The following SCAPER variants were observed in gnomAD, a reference collection of about 807,000 sequenced individuals.
The protein encoded by SCAPER is S phase cyclin A-associated protein in the endoplasmic reticulum.
SCAPER carries 98 observed loss-of-function variants against 182.2 expected under a neutral mutation model. The observed-to-expected ratio is 0.54, with a 90% CI of 0.46 to 0.64. The LOEUF is 0.64. Among genes scored for constraint, SCAPER ranks in the 30% least tolerant of loss-of-function variants. The pLI is 0.00. For synonymous variants in SCAPER, 605 were observed against 564.6 expected (o/e 1.07, Z -1.01); for missense variants, 1,432 against 1,690.0 (o/e 0.85, Z 2.68).
Position 76,539,251 on chromosome 15 carries a change from CA to C in SCAPER, c.2839-34278del, listed in dbSNP as rs912578806. On this transcript the variant is annotated intron_variant, in intron 23 of 31. Coordinates refer to ENST00000563290, the MANE Select transcript of SCAPER (RefSeq NM_020843.4). ...TTATTTTATGTGCTTGCTTCACTTA[CA>C]AAAACCTCAAAGTGGAATTTGTAGA... Among the ~76,000 whole-genome samples, 230 of 152,182 alleles carry C rather than the reference CA, an allele frequency of 1.5e-3. 2 individuals are homozygous for C. The highest frequency in any genetic ancestry group is 5.0e-3 in the African/African-American group (209 of 41,518).
intron 21 of SCAPER, among the ~76,000 whole-genome samples, chr15:76,646,795 A>G (rs1285685934): frequency 2.0e-5 from 3 of 152,214 alleles, no homozygotes; most frequent in Admixed American, 6.5e-5. Flanking sequence ...ATTTTAGAAC[A>G]CATATCCAGT....
intron 29 of SCAPER, among the ~76,000 whole-genome samples, chr15:76,372,377 C>T (rs2042242329): frequency 6.6e-6 from 1 of 152,188 alleles, no homozygotes; most frequent in Non-Finnish European, 1.5e-5. Flanking sequence ...CATTCCCAGT[C>T]ATCACTTTCC....
At chr15:76,409,120 C>CTA (rs2045086393) in intron 26 of SCAPER, among the ~76,000 whole-genome samples, 1 of 152,040 alleles carries the variant, frequency 6.6e-6, no homozygotes, top group African/African-American at 2.4e-5. Flanking sequence ...AAATGACTGG[C>CTA]TAAGAAGATG....
intron 5 of SCAPER, among the ~76,000 whole-genome samples, chr15:76,816,246 T>C (rs949454198): frequency 6.6e-6 from 1 of 152,278 alleles, no homozygotes; most frequent in Non-Finnish European, 1.5e-5. Flanking sequence ...AACCTTTTAG[T>C]ATTTTTTAAA....
intron 20 of SCAPER, among the ~76,000 whole-genome samples, chr15:76,668,018 C>T (rs1200276677): frequency 6.6e-6 from 1 of 152,062 alleles, no homozygotes; most frequent in Non-Finnish European, 1.5e-5. Flanking sequence ...AACATTTCCA[C>T]AATCAGCATT....
intron 22 of SCAPER, among the ~76,000 whole-genome samples, chr15:76,618,982 T>C (rs2051759006): frequency 1.3e-5 from 2 of 152,114 alleles, no homozygotes; most frequent in African/African-American, 2.4e-5. Flanking sequence ...GTAGCTGGGA[T>C]TACAGGTGCA....
intron 23 of SCAPER, among the ~76,000 whole-genome samples, chr15:76,529,731 G>A (rs1414821576): frequency 6.6e-6 from 1 of 152,262 alleles, no homozygotes; most frequent in Non-Finnish European, 1.5e-5. Flanking sequence ...CATATCCGAA[G>A]AATGGCAAGG....
At chr15:76,464,214 CTA>C (rs2049416316) in intron 25 of SCAPER, among the ~76,000 whole-genome samples, 1 of 151,980 alleles carries the variant, frequency 6.6e-6, no homozygotes. Flanking sequence ...TACTTTGTTT[CTA>C]TGAGGCTGAT....
At chr15:76,493,121 A>C (rs897991330) in intron 24 of SCAPER, among the ~76,000 whole-genome samples, 8 of 152,164 alleles carry the variant, frequency 5.3e-5, no homozygotes, top group African/African-American at 1.9e-4. Flanking sequence ...AAGGGGTGCT[A>C]ATAATACTTT....
intron 24 of SCAPER, among the ~76,000 whole-genome samples, chr15:76,495,297 A>C (rs8028943): frequency 6.6e-6 from 1 of 151,978 alleles, no homozygotes; most frequent in Non-Finnish European, 1.5e-5. Context: ...GATGATGCAG[A>C]CCAGGCATGG....
intron 26 of SCAPER, among the ~76,000 whole-genome samples, chr15:76,415,328 A>G (rs1198540050): frequency 6.6e-6 from 1 of 152,216 alleles, no homozygotes; most frequent in Non-Finnish European, 1.5e-5. Context: ...AAAGTTGAAC[A>G]TGCATTTATT....
At chr15:76,744,597 AG>A (rs1217645208) in intron 15 of SCAPER, among the ~76,000 whole-genome samples, 1 of 152,212 alleles carries the variant, frequency 6.6e-6, no homozygotes, top group African/African-American at 2.4e-5. Flanking sequence ...ATCTCACACC[AG>A]TCAGAATGGC....
At chr15:76,809,918 G>A (rs905175328) in intron 5 of SCAPER, among the ~76,000 whole-genome samples, 1 of 152,202 alleles carries the variant, frequency 6.6e-6, no homozygotes, top group Admixed American at 6.5e-5. Context: ...TTTTTTAGCA[G>A]AACTTTGCAA....
chr15:76,704,634 G>C (rs553892572), intron 18 of SCAPER, among the ~76,000 whole-genome samples: 8 of 151,958 alleles, frequency 5.3e-5, no homozygotes. Flanking sequence ...AGATAGTTTC[G>C]CAACCTGCTC....
intron 23 of SCAPER, among the ~76,000 whole-genome samples, chr15:76,524,101 A>G (rs1349934492): frequency 6.6e-6 from 1 of 151,726 alleles, no homozygotes; most frequent in Non-Finnish European, 1.5e-5. Flanking sequence ...TTTACCAGCA[A>G]ATCTGTAAAA....
intron 2 of SCAPER, among the ~76,000 whole-genome samples, chr15:76,880,954 G>A (rs4360890): frequency 0.38 from 57,896 of 152,010 alleles, 13,089 homozygotes; most frequent in Middle Eastern, 0.53. Context: ...CACTGTTGGT[G>A]GGAATTTTAA....
chr15:76,735,402 A>C (rs1280302216), intron 15 of SCAPER, among the ~76,000 whole-genome samples: 1 of 151,986 alleles, frequency 6.6e-6, no homozygotes. Flanking sequence ...ATTTGGAAGA[A>C]AATAATAACC....
intron 2 of SCAPER, among the ~76,000 whole-genome samples, chr15:76,873,232 C>T (rs1214084859): frequency 1.3e-5 from 2 of 149,786 alleles, no homozygotes; most frequent in East Asian, 2.0e-4. Flanking sequence ...GCCTGGCCAA[C>T]AGAGCCAGAC....
intron 16 of SCAPER, among the ~76,000 whole-genome samples, chr15:76,732,999 T>G (rs1055397035): frequency 2.0e-5 from 3 of 152,162 alleles, no homozygotes; most frequent in South Asian, 4.1e-4. Flanking sequence ...GTTTGTCTTG[T>G]ATCCAATAAA....
Sources: gnomAD v4.1 joint callset for allele counts (sites outside exome capture counted in the v4.1 genomes callset) on GRCh38, gnomAD v4.1.1 for gene constraint, MANE v1.5 for transcripts, NCBI Gene and HGNC (gene_info 2026-07-23, HGNC 2026-07-21) for gene names.